STK32B: variants seen among roughly 807,000 people sequenced by gnomAD.
The protein encoded by STK32B is serine/threonine kinase 32B, also known as serine/threonine-protein kinase 32B.
A neutral mutation model predicts 52.6 loss-of-function variants in STK32B; 43 were observed. The observed-to-expected ratio is 0.82, with a 90% CI of 0.64 to 1.05. The LOEUF is 1.05. Ranked by LOEUF, STK32B falls within the 50% of genes least tolerant of loss-of-function variation. The pLI, the probability that STK32B is intolerant of heterozygous loss-of-function variation, is 0.00. For synonymous variants in STK32B, 238 were observed against 204.3 expected (o/e 1.17, Z -1.41); for missense variants, 621 against 534.6 (o/e 1.16, Z -1.59).
intron 4 of STK32B, among the ~76,000 whole-genome samples, chr4:5,363,194 A>G (rs1379050177): frequency 2.6e-5 from 4 of 152,260 alleles, no homozygotes; most frequent in Non-Finnish European, 5.9e-5. Context: ...TGCAGTCATG[A>G]AAGTATACAA....
intron 2 of STK32B, among the ~76,000 whole-genome samples, chr4:5,162,992 T>C (rs1301408162): frequency 6.6e-6 from 1 of 152,174 alleles, no homozygotes; most frequent in Non-Finnish European, 1.5e-5. Context: ...CTTCCTACAC[T>C]GTACACATGG....
At chr4:5,062,020 C>T (rs1259095894) in intron 1 of STK32B, among the ~76,000 whole-genome samples, 2 of 152,192 alleles carry the variant, frequency 1.3e-5, no homozygotes, top group African/African-American at 4.8e-5. Context: ...TGTACAGTTA[C>T]AGTTTTACTT....
rs369781741 is a variant in STK32B, at chr4:5,281,644, T to C, written c.261-49576T>C. On this transcript the variant is annotated intron_variant, in intron 3 of 11. Transcript: ENST00000282908. ...ATAATAAGCAAATAAAAAATAATAA[T>C]ACCATGATGTAAATTTTAAATCATG... is the stretch of plus-strand genomic sequence containing the variant. 6.6e-5 allele frequency among the ~76,000 whole-genome samples: 10 copies of C among 152,242 alleles called. No homozygotes were observed. In the East Asian group the frequency reaches 1.2e-3, roughly 18 times the overall value.
At chr4:5,488,915 CTG>C (rs756486831) in intron 11 of STK32B, among the ~76,000 whole-genome samples, 35 of 151,968 alleles carry the variant, frequency 2.3e-4, no homozygotes, top group South Asian at 1.7e-3. Context: ...TATTTTATGT[CTG>C]TCTTATAATT....
At chr4:5,490,745 T>G (rs375463961) in intron 11 of STK32B, among the ~76,000 whole-genome samples, 1 of 151,740 alleles carries the variant, frequency 6.6e-6, no homozygotes, top group Non-Finnish European at 1.5e-5. Context: ...CACAACAGTC[T>G]CCAGAGTGTG....
At chr4:5,486,751 C>T (rs186035046) in intron 11 of STK32B, among the ~76,000 whole-genome samples, 2 of 152,342 alleles carry the variant, frequency 1.3e-5, no homozygotes, top group African/African-American at 4.8e-5. Context: ...GCTCCACCCC[C>T]CTAAAATGTT....
At chr4:5,358,701 G>GCGCACGCACACACACA (rs151338728) in intron 4 of STK32B, among the ~76,000 whole-genome samples, 1 of 106,810 alleles carries the variant, frequency 9.4e-6, no homozygotes, top group African/African-American at 4.1e-5. Flanking sequence ...TCACACACAT[G>GCGCACGCACACACACA]CACACACACA....
chr4:5,035,781 ATT>A, the STK32B span, among the ~76,000 whole-genome samples: 66 of 143,802 alleles, frequency 4.6e-4, no homozygotes, highest in Non-Finnish European at 5.4e-4. Context: ...GGATCTGTAA[ATT>A]TTTTTTTTTT....
At chr4:5,336,121 G>A (rs16837031) in intron 4 of STK32B, among the ~76,000 whole-genome samples, 45,003 of 145,796 alleles carry the variant, frequency 0.31, 11,102 homozygotes, top group African/African-American at 0.68. Flanking sequence ...CAATGGCAAT[G>A]TTATCTGAAC....
At chr4:5,495,195 T>C (rs1027067977) in intron 11 of STK32B, among the ~76,000 whole-genome samples, 11 of 152,216 alleles carry the variant, frequency 7.2e-5, no homozygotes, top group Admixed American at 5.9e-4. Flanking sequence ...CCGTTTTCCC[T>C]GTCACTTTCA....
chr4:5,134,496 T>TGGAA (rs1715954998), intron 1 of STK32B, among the ~76,000 whole-genome samples: 2 of 152,154 alleles, frequency 1.3e-5, no homozygotes, highest in Admixed American at 6.5e-5. Context: ...TTGGACTTCT[T>TGGAA]AGCCTCCAGA....
intron 4 of STK32B, among the ~76,000 whole-genome samples, chr4:5,335,037 G>T (rs986448481): frequency 6.6e-6 from 1 of 151,628 alleles, no homozygotes. Context: ...GATTGGAATA[G>T]TTTCAGAAGG....
At position 5,303,671 on chromosome 4, in the gene STK32B, G is replaced by A. The variant is rs575670504; in HGVS notation, c.261-27549G>A. Among the ~76,000 whole-genome samples the A allele has an allele frequency of 3.3e-5, 5 of 152,180 alleles. No homozygotes were observed. In the East Asian group the frequency reaches 7.7e-4, roughly 24 times the overall value. On this transcript the variant is annotated intron_variant, in intron 3 of 11. Coordinates refer to ENST00000282908, the MANE Select transcript of STK32B (RefSeq NM_018401.3). The stretch of plus-strand genomic sequence containing the variant: ...TTCTGATTATTTCTTTTGCTGTGCA[G>A]CAGCTTTTAGTTTAATTAATTCCCA...
At chr4:5,040,388 ATTTTTTTTTT>A in the STK32B span, among the ~76,000 whole-genome samples, 2 of 118,724 alleles carry the variant, frequency 1.7e-5, no homozygotes, top group Non-Finnish European at 1.7e-5. Context: ...TGGCAGTAGA[ATTTTTTTTTT>A]TTTTTTTTTT....
chr4:5,464,114 G>T (rs1250831585), intron 9 of STK32B, among the ~76,000 whole-genome samples: 1 of 152,074 alleles, frequency 6.6e-6, no homozygotes, highest in Non-Finnish European at 1.5e-5. Flanking sequence ...AGTGGGGGTG[G>T]GGGGTGCCAC....
chr4:5,161,973 G>C (rs1353872531), intron 2 of STK32B, among the ~76,000 whole-genome samples: 1 of 152,178 alleles, frequency 6.6e-6, no homozygotes, highest in Non-Finnish European at 1.5e-5. Flanking sequence ...GGGGATGGTA[G>C]AGATGGGCAG....
intron 3 of STK32B, among the ~76,000 whole-genome samples, chr4:5,308,963 T>C (rs192980424): frequency 1.3e-5 from 2 of 152,138 alleles, no homozygotes; most frequent in East Asian, 3.9e-4. Context: ...TCAAATTGTC[T>C]CTGCTTGTAG....
chr4:5,193,490 T>G (rs888737667), intron 3 of STK32B, among the ~76,000 whole-genome samples: 8 of 152,202 alleles, frequency 5.3e-5, no homozygotes, highest in African/African-American at 1.9e-4. Context: ...TCTCCCACCA[T>G]GGACCTTGCC....
At chr4:5,446,619 G>A in intron 6 of STK32B, 54 bp from the exon 7 acceptor site, 1 of 1,487,282 alleles carries the variant, frequency 6.7e-7, no homozygotes, top group African/African-American at 1.4e-5. Context: ...TCTAAGGGGT[G>A]GTGGCCATAA....
Sources: gnomAD v4.1 joint callset for allele counts (sites outside exome capture counted in the v4.1 genomes callset) on GRCh38, gnomAD v4.1.1 for gene constraint, MANE v1.5 for transcripts, NCBI Gene and HGNC (gene_info 2026-07-23, HGNC 2026-07-21) for gene names.